Variants in GPR158 observed in about 807,000 individuals in gnomAD.
GPR158 encodes metabotropic glycine receptor.
Under a neutral mutation model 78.2 loss-of-function variants are expected in GPR158, and 30 were observed. That is an observed-to-expected ratio of 0.38 (90% CI 0.29 to 0.52). GPR158 has a LOEUF of 0.52. Among genes scored for constraint, GPR158 ranks in the 20% least tolerant of loss-of-function variants. The pLI, the probability that GPR158 is intolerant of heterozygous loss-of-function variation, is 0.83. For synonymous variants in GPR158, 581 were observed against 591.1 expected, an observed-to-expected ratio of 0.98 and a Z score of 0.25; for missense variants, 1,463 against 1,523.5, an observed-to-expected ratio of 0.96 and a Z score of 0.66.
At chr10:25,226,985 A>G (rs1445936048) in intron 2 of GPR158, among the ~76,000 whole-genome samples, 1 of 152,212 alleles carries the variant, frequency 6.6e-6, no homozygotes, top group Non-Finnish European at 1.5e-5. Flanking sequence ...AGGAGGCCAT[A>G]TCACCACTGT....
chr10:25,429,837 A>G (rs1834874925), intron 4 of GPR158, among the ~76,000 whole-genome samples: 1 of 142,782 alleles, frequency 7.0e-6, no homozygotes, highest in Non-Finnish European at 1.5e-5. Context: ...CTCTCAATAA[A>G]TTAGGTATTG....
chr10:25,231,028 G>A (rs915712393), intron 2 of GPR158, among the ~76,000 whole-genome samples: 2 of 152,170 alleles, frequency 1.3e-5, no homozygotes, highest in African/African-American at 4.8e-5. Context: ...GTTTCCATCC[G>A]AAAGAATACT....
chr10:25,545,277 G>A (rs1836647943), intron 5 of GPR158, among the ~76,000 whole-genome samples: 1 of 152,108 alleles, frequency 6.6e-6, no homozygotes, highest in Non-Finnish European at 1.5e-5. Context: ...TTGAGGAATC[G>A]CCACACTGTC....
At chr10:25,376,612 A>T (rs1043164496) in intron 2 of GPR158, among the ~76,000 whole-genome samples, 2 of 151,716 alleles carry the variant, frequency 1.3e-5, no homozygotes, top group African/African-American at 4.8e-5. Context: ...TGCAGCTTCA[A>T]ACTTTTATCT....
intron 4 of GPR158, among the ~76,000 whole-genome samples, chr10:25,452,919 A>G (rs1010111957): frequency 6.6e-6 from 1 of 151,500 alleles, no homozygotes; most frequent in African/African-American, 2.4e-5. Flanking sequence ...CCACCATTCT[A>G]CTCTCTGTTG....
At position 25,466,005 on chromosome 10, in the gene GPR158, C is replaced by G. The variant is rs559690309; in HGVS notation, c.1336-646C>G. Among the ~76,000 whole-genome samples, 21 of 152,254 alleles carry G rather than the reference C, an allele frequency of 1.4e-4. No individual in the cohort carries two copies. The South Asian group carries it at 2.3e-3, about 17-fold the overall frequency. On this transcript the variant is annotated intron_variant, in intron 4 of 10. Coordinates refer to ENST00000376351, the MANE Select transcript of GPR158 (RefSeq NM_020752.3). Reference sequence around the variant, plus strand: ...CAAAGGGGAGTTTAAGCTCTAGCTGCAGCCTGATGTTTTTAACCCATCAGG... The same window carrying G: ...CAAAGGGGAGTTTAAGCTCTAGCTGGAGCCTGATGTTTTTAACCCATCAGG...
In GPR158 at chr10:25,335,852, G is replaced by A. The variant is rs139885466; in HGVS notation, c.1009-60059G>A. ...AATTGCCAATCAGAAATATGACTAA[G>A]TGACTCCAGGGTGTACTAGTTGTGT... On this transcript the variant is annotated intron_variant, in intron 2 of 10. Transcript: ENST00000376351. 7.9e-3 allele frequency among the ~76,000 whole-genome samples: 1,209 copies of A among 152,086 alleles called. 5 individuals carry two copies. Among genetic ancestry groups the A allele is most frequent in the Admixed American group, 0.011 (173 of 15,250 alleles).
At chr10:25,481,987 A>C (rs1347989145) in intron 5 of GPR158, among the ~76,000 whole-genome samples, 1 of 152,080 alleles carries the variant, frequency 6.6e-6, no homozygotes, top group Non-Finnish European at 1.5e-5. Flanking sequence ...GGAGCCTCAG[A>C]TTTTCAGGCT....
At chr10:25,306,915 CACATA>C (rs1298778009) in intron 2 of GPR158, among the ~76,000 whole-genome samples, 2 of 151,964 alleles carry the variant, frequency 1.3e-5, no homozygotes, top group African/African-American at 4.8e-5. Flanking sequence ...ACAGCAAAAT[CACATA>C]ACATACTTGT....
chr10:25,490,635 T>A (rs1210792276), intron 5 of GPR158, among the ~76,000 whole-genome samples: 1 of 150,828 alleles, frequency 6.6e-6, no homozygotes, highest in Non-Finnish European at 1.5e-5. Flanking sequence ...TCCTTTTTTA[T>A]GGCTGCATAG....
At chr10:25,487,295 C>T (rs186992226) in intron 5 of GPR158, among the ~76,000 whole-genome samples, 10 of 152,188 alleles carry the variant, frequency 6.6e-5, no homozygotes, top group Middle Eastern at 3.4e-3. Context: ...TAGCTTATAC[C>T]GGGAATCTGT....
chr10:25,395,212 A>G (rs1834349987), intron 2 of GPR158, among the ~76,000 whole-genome samples: 1 of 152,124 alleles, frequency 6.6e-6, no homozygotes, highest in Non-Finnish European at 1.5e-5. Flanking sequence ...GTCAAGATTA[A>G]ATTTTGGGGA....
intron 6 of GPR158, among the ~76,000 whole-genome samples, chr10:25,559,675 A>C (rs930103257): frequency 6.6e-6 from 1 of 152,244 alleles, no homozygotes; most frequent in Non-Finnish European, 1.5e-5. Context: ...TATAATCCTA[A>C]TGTTATAAAA....
chr10:25,429,514 C>T (rs1834868562), intron 4 of GPR158, among the ~76,000 whole-genome samples: 1 of 152,026 alleles, frequency 6.6e-6, no homozygotes, highest in South Asian at 2.1e-4. Context: ...TTGTAGATTA[C>T]CTTTCCTTAA....
chr10:25,591,013 T>TA (rs1356805623), intron 8 of GPR158, among the ~76,000 whole-genome samples: 1 of 152,132 alleles, frequency 6.6e-6, no homozygotes, highest in African/African-American at 2.4e-5. Flanking sequence ...ATGAATCTTT[T>TA]AAAAGTTTAA....
intron 8 of GPR158, 85 bp from the exon 9 acceptor site, chr10:25,594,207 G>A (rs1034081059): frequency 4.0e-6 from 3 of 744,668 alleles, no homozygotes; most frequent in African/African-American, 3.5e-5. Context: ...TTAATACAAT[G>A]AGGAAAAAAG....
At chr10:25,524,717 T>C (rs976551433) in intron 5 of GPR158, among the ~76,000 whole-genome samples, 1 of 152,198 alleles carries the variant, frequency 6.6e-6, no homozygotes, top group Non-Finnish European at 1.5e-5. Flanking sequence ...TTTTATGACC[T>C]TGGGGTAAGC....
Position 25,412,307 on chromosome 10 carries a change from A to T in GPR158, c.1169A>T (p.Tyr390Phe), listed in dbSNP as rs1462087932. Reference protein sequence around the residue: ...GSTKDVSEEAYVCLPCREGCP... With the variant: ...GSTKDVSEEAFVCLPCREGCP... ...ACAAAAGATGTGTCAGAAGAAGCCT[A>T]TGTCTGCCTACCTTGCAGGGAGGGC... The change falls in exon 4 of 11, where the codon TAT becomes TTT. Residue 390 changes from tyrosine (Y) to phenylalanine (F), a missense_variant. By Grantham distance (22) the Tyr-to-Phe change is conservative. Coordinates refer to ENST00000376351, the MANE Select transcript of GPR158 (RefSeq NM_020752.3). 4 of 1,614,124 alleles carry T rather than the reference A, an allele frequency of 2.5e-6. No homozygotes were observed. The South Asian group carries it at 3.3e-5, about 13-fold the overall frequency.
intron 2 of GPR158, among the ~76,000 whole-genome samples, chr10:25,240,685 T>C (rs937084691): frequency 6.6e-6 from 1 of 152,222 alleles, no homozygotes; most frequent in Non-Finnish European, 1.5e-5. Context: ...CAGAACTTTA[T>C]ATCATGTACT....
Sources: gnomAD v4.1 joint callset for allele counts (sites outside exome capture counted in the v4.1 genomes callset) on GRCh38, gnomAD v4.1.1 for gene constraint, MANE v1.5 for transcripts, NCBI Gene and HGNC (gene_info 2026-07-23, HGNC 2026-07-21) for gene names.